The following TCF12 variants were observed in gnomAD, a reference collection of about 807,000 sequenced individuals.
TCF12 encodes the protein DNA-binding protein HTF4.
In TCF12, 45 loss-of-function variants were observed where a neutral mutation model predicts 86.0. The ratio of observed to expected loss-of-function variants is 0.52; its 90% confidence interval spans 0.41 to 0.67. The LOEUF (loss-of-function observed/expected upper bound fraction) is 0.67. TCF12 is among the 30% of genes least tolerant of loss of function. The pLI is 0.00. For synonymous variants in TCF12, 330 were observed against 299.6 expected, an observed-to-expected ratio of 1.10 and a Z score of -1.05; for missense variants, 881 against 859.9, an observed-to-expected ratio of 1.02 and a Z score of -0.31.
intron 4 of TCF12, among the ~76,000 whole-genome samples, chr15:57,087,843 G>T (rs1038217496): frequency 2.0e-5 from 3 of 152,092 alleles, no homozygotes; most frequent in Non-Finnish European, 4.4e-5. Flanking sequence ...CTAAAAGGCT[G>T]GTGTAATAGA....
At chr15:57,246,575 T>C (rs74753167) in intron 13 of TCF12, among the ~76,000 whole-genome samples, 2 of 148,892 alleles carry the variant, frequency 1.3e-5, no homozygotes, top group South Asian at 2.1e-4. Flanking sequence ...CCGTCTCTCT[T>C]TTTTTTTTTA....
intron 13 of TCF12, among the ~76,000 whole-genome samples, chr15:57,249,970 T>C (rs1417267612): frequency 6.6e-6 from 1 of 152,180 alleles, no homozygotes; most frequent in Non-Finnish European, 1.5e-5. Context: ...CTCTAACATA[T>C]GGATGAATTA....
intron 5 of TCF12, among the ~76,000 whole-genome samples, chr15:57,157,071 T>C (rs2054161172): frequency 6.6e-6 from 1 of 152,202 alleles, no homozygotes; most frequent in South Asian, 2.1e-4. Context: ...TATTTGGTGA[T>C]GTGATTGTTA....
At chr15:56,918,429 G>C (rs2165461), upstream of TCF12, 165,464 of 351,446 alleles carry the variant, frequency 0.47, 41,529 homozygotes, top group Non-Finnish European at 0.55. Flanking sequence ...GCTTCTCGAG[G>C]TGCCTGCGAG....
At chr15:57,256,396 G>A (rs573655063) in intron 16 of TCF12, among the ~76,000 whole-genome samples, 2 of 152,284 alleles carry the variant, frequency 1.3e-5, no homozygotes, top group African/African-American at 4.8e-5. Context: ...CTTTCAGAGT[G>A]TGTGATTTTG....
chr15:56,990,943 C>T (rs191862184), intron 3 of TCF12, among the ~76,000 whole-genome samples: 8 of 152,072 alleles, frequency 5.3e-5, no homozygotes, highest in Non-Finnish European at 1.2e-4. Flanking sequence ...CACAGATGTG[C>T]ACCACTGCAC....
intron 5 of TCF12, among the ~76,000 whole-genome samples, chr15:57,124,408 C>T (rs961426234): frequency 1.3e-5 from 2 of 152,152 alleles, no homozygotes; most frequent in Admixed American, 1.3e-4. Context: ...ATCTTTGGCT[C>T]CATCATCCCC....
At chr15:57,244,760 G>A (rs138616294) in intron 13 of TCF12, among the ~76,000 whole-genome samples, 7 of 151,784 alleles carry the variant, frequency 4.6e-5, no homozygotes, top group East Asian at 1.9e-4. Context: ...CACTGCGCCC[G>A]GCCCACATGT....
intron 3 of TCF12, among the ~76,000 whole-genome samples, chr15:57,019,095 T>C (rs1327619681): frequency 1.3e-5 from 2 of 151,956 alleles, no homozygotes. Flanking sequence ...TAGAAAAGAG[T>C]TTTTAGGAAT....
At chr15:57,245,601 G>A (rs2059821170) in intron 13 of TCF12, among the ~76,000 whole-genome samples, 1 of 152,160 alleles carries the variant, frequency 6.6e-6, no homozygotes, top group Non-Finnish European at 1.5e-5. Flanking sequence ...GCAGGCCATG[G>A]CAGAGCTCAG....
intron 3 of TCF12, among the ~76,000 whole-genome samples, chr15:57,027,239 A>G (rs1041189850): frequency 6.6e-6 from 1 of 152,148 alleles, no homozygotes; most frequent in African/African-American, 2.4e-5. Context: ...TTCAACACCT[A>G]TGTCTTGGAA....
rs150393612 is a variant in TCF12, at chr15:57,054,501, T to C, written c.149-9249T>C. The stretch of plus-strand genomic sequence containing the variant: ...TAACCACCAAACCCAAATATAATTG[T>C]CTTGTTCAAGAAGGGCAGCAACATG... On this transcript the variant is annotated intron_variant, in intron 3 of 20. Coordinates refer to ENST00000333725, the MANE Select transcript of TCF12 (RefSeq NM_207037.2). Among the ~76,000 whole-genome samples the C allele has an allele frequency of 4.6e-5, 7 of 152,298 alleles. No individual in the cohort carries two copies. In the East Asian group the frequency reaches 1.2e-3, roughly 25 times the overall value.
intron 12 of TCF12, among the ~76,000 whole-genome samples, chr15:57,240,248 A>AT (rs1326891513): frequency 2.6e-5 from 4 of 152,188 alleles, no homozygotes; most frequent in Non-Finnish European, 5.9e-5. Context: ...AATAAGACAA[A>AT]TTCCTCATTC....
chr15:57,271,045 GTC>G (rs2061116831), intron 18 of TCF12, among the ~76,000 whole-genome samples: 1 of 152,218 alleles, frequency 6.6e-6, no homozygotes, highest in Admixed American at 6.5e-5. Context: ...TGAGGAGGCA[GTC>G]TCTCCATTAT....
intron 8 of TCF12, among the ~76,000 whole-genome samples, chr15:57,229,225 C>G (rs2059021206): frequency 6.6e-6 from 1 of 151,916 alleles, no homozygotes; most frequent in Non-Finnish European, 1.5e-5. Flanking sequence ...TTCCTGAAAA[C>G]CTTATCTGCC....
chr15:57,046,078 T>G (rs1279279401), intron 3 of TCF12, among the ~76,000 whole-genome samples: 11 of 152,244 alleles, frequency 7.2e-5, no homozygotes, highest in Non-Finnish European at 1.3e-4. Flanking sequence ...TCAGATCGTT[T>G]ACATTTGTTG....
intron 4 of TCF12, among the ~76,000 whole-genome samples, chr15:57,086,243 T>TAATAATAATAA (rs2048622379): frequency 5.7e-5 from 4 of 70,168 alleles, no homozygotes; most frequent in Admixed American, 4.9e-4. Context: ...AATAATAATA[T>TAATAATAATAA]AATGACTAGT....
chr15:57,174,244 G>C (rs1393610804), intron 6 of TCF12, among the ~76,000 whole-genome samples: 3 of 152,148 alleles, frequency 2.0e-5, no homozygotes, highest in Non-Finnish European at 4.4e-5. Flanking sequence ...TAGGAGAAGT[G>C]AAAGTTTGGT....
chr15:57,271,302 C>T (rs1357304177), intron 18 of TCF12, among the ~76,000 whole-genome samples: 2 of 152,192 alleles, frequency 1.3e-5, no homozygotes, highest in African/African-American at 2.4e-5. Flanking sequence ...ATGGTGGATG[C>T]CCCTCCCCCT....
Sources: gnomAD v4.1 joint callset for allele counts (sites outside exome capture counted in the v4.1 genomes callset) on GRCh38, gnomAD v4.1.1 for gene constraint, MANE v1.5 for transcripts, NCBI Gene and HGNC (gene_info 2026-07-23, HGNC 2026-07-21) for gene names.